Variants in PRSS1 observed in about 807,000 individuals in gnomAD.
The protein encoded by PRSS1 is TCR V beta 4.1.
Under a neutral mutation model 24.2 loss-of-function variants are expected in PRSS1, and 22 were observed. The observed-to-expected ratio is 0.91, with a 90% CI of 0.65 to 1.30. PRSS1 has a LOEUF of 1.30. Ranked by LOEUF, PRSS1 falls within the 50% of genes most tolerant of loss-of-function variation. The pLI, the probability that PRSS1 is intolerant of heterozygous loss-of-function variation, is 0.00. For missense variants in PRSS1, 366 were observed against 304.2 expected (o/e 1.20, Z -1.51); for synonymous variants, 126 against 116.1 (o/e 1.08, Z -0.55).
intron 1 of PRSS1, among the ~76,000 whole-genome samples, chr7:142,749,838 G>C (rs1340142495): frequency 1.3e-5 from 2 of 152,198 alleles, no homozygotes; most frequent in African/African-American, 2.4e-5. Context: ...CAACAGAATA[G>C]CACCACTATA....
rs2116978195 is a variant in PRSS1, at chr7:142,751,942, G to A, written c.369G>A (p.Val123=). Residue 123 remains valine, a synonymous_variant, in exon 3 of 5, where the codon GTG becomes GTA. Transcript: ENST00000311737. ...LSSRAVINAR[V]STISLPTAPP... is the part of the protein sequence containing the mutation. Reference sequence around the variant, plus strand: ...CACGTGCAGTAATCAACGCCCGCGTGTCCACCATCTCTCTGCCCACCGCCC... The same window carrying A: ...CACGTGCAGTAATCAACGCCCGCGTATCCACCATCTCTCTGCCCACCGCCC... 1 of 1,614,018 alleles carries A rather than the reference G, an allele frequency of 6.2e-7. No homozygotes were observed. Among genetic ancestry groups the A allele is most frequent in the African/African-American group, 1.3e-5 (1 of 74,976 alleles).
chr7:142,749,642 T>A (rs1481752463), intron 1 of PRSS1, 118 bp downstream of exon 1: 12 of 1,361,710 alleles, frequency 8.8e-6, no homozygotes, highest in East Asian at 2.3e-5. Flanking sequence ...GTTTCCTCCA[T>A]CTGGCATATC....
intron 1 of PRSS1, among the ~76,000 whole-genome samples, chr7:142,750,233 G>C (rs1404214695): frequency 1.6e-5 from 2 of 127,962 alleles, no homozygotes; most frequent in Non-Finnish European, 3.3e-5. Context: ...ATGAATAAAA[G>C]AGAGAAGCAC....
chr7:142,750,778 C>G (rs749522227), intron 2 of PRSS1, 64 bp downstream of exon 2: 3 of 1,608,792 alleles, frequency 1.9e-6, no homozygotes, highest in Non-Finnish European at 2.6e-6. Context: ...TTGGCTTCAG[C>G]CCAGGGAACT....
intron 4 of PRSS1, 131 bp downstream of exon 4, chr7:142,752,698 A>T: frequency 6.6e-7 from 1 of 1,526,512 alleles, no homozygotes; most frequent in Non-Finnish European, 9.1e-7. Flanking sequence ...GAAGTGAGGA[A>T]GACTCCCTTG....
At position 142,751,824 on chromosome 7, in the gene PRSS1, A is replaced by G; in HGVS notation, c.251A>G (p.Asn84Ser). Residue 84 changes from asparagine to serine, a missense_variant, in exon 3 of 5, where the codon AAT becomes AGT. Physicochemically the swap from Asn to Ser is conservative, Grantham distance 46. Transcript: ENST00000311737. Reference protein sequence around the residue: ...GEHNIEVLEGNEQFINAAKII... With the variant: ...GEHNIEVLEGSEQFINAAKII... ...CACAACATCGAAGTCCTGGAGGGGA[A>G]TGAGCAGTTCATCAATGCAGCCAAG... 1 of 1,614,148 alleles carries G rather than the reference A, an allele frequency of 6.2e-7. No individual in the cohort carries two copies. Among genetic ancestry groups the G allele is most frequent in the South Asian group, 1.1e-5 (1 of 91,068 alleles).
In PRSS1 at chr7:142,752,967, A is replaced by G; in HGVS notation, c.691A>G (p.Lys231Glu). The part of the protein sequence containing the change: ...AQKNKPGVYT[K>E]VYNYVKWIKN... ...GAAGAACAAGCCTGGAGTCTACACC[A>G]AGGTCTACAACTATGTGAAATGGAT... The change falls in exon 5 of 5, where the codon AAG becomes GAG. Residue 231 changes from lysine (K) to glutamate (E), a missense_variant. Physicochemically the swap from Lys to Glu is moderately conservative, Grantham distance 56. Transcript: ENST00000311737. 6.2e-7 allele frequency: 1 copy of G among 1,613,778 alleles called. No individual in the cohort carries two copies.
chr7:142,751,837 CA>C lies in PRSS1; in HGVS notation c.266del (p.Asn89MetfsTer16), dbSNP rs1563261041. On this transcript the variant is annotated frameshift_variant, in exon 3 of 5. Coordinates refer to ENST00000311737, the MANE Select transcript of PRSS1 (RefSeq NM_002769.5). LOFTEE classifies it high-confidence loss of function. The part of the protein sequence containing the change: ...EVLEGNEQFI[N>X]AAKIIRHPQY... ...TCCTGGAGGGGAATGAGCAGTTCATCAATGCAGCCAAGATCATCCGCCACCC... is the reference window on the plus strand; with the variant it reads ...TCCTGGAGGGGAATGAGCAGTTCATCATGCAGCCAAGATCATCCGCCACCC... 6.2e-7 allele frequency: 1 copy of C among 1,614,130 alleles called. No homozygotes were observed. Among genetic ancestry groups the C allele is most frequent in the East Asian group, 2.2e-5 (1 of 44,880 alleles).
chr7:142,751,931 A>G lies in PRSS1; in HGVS notation c.358A>G (p.Asn120Asp). The G allele has an allele frequency of 1.9e-6, 3 of 1,613,976 alleles. No individual in the cohort carries two copies. The highest frequency in any genetic ancestry group is 2.2e-5 in the South Asian group (2 of 91,060). The change falls in exon 3 of 5, where the codon AAC becomes GAC. Residue 120 changes from asparagine to aspartate, a missense_variant. By Grantham distance (23) the Asn-to-Asp change is conservative (BLOSUM62 1). Transcript: ENST00000311737. ...CAAGCTCTCCTCACGTGCAGTAATC[A>G]ACGCCCGCGTGTCCACCATCTCTCT... ...LIKLSSRAVI[N>D]ARVSTISLPT...
At position 142,750,494 on chromosome 7, in the gene PRSS1, C is replaced by G. The variant is rs1300097365; in HGVS notation, c.41-61C>G. 2.5e-5 allele frequency: 40 copies of G among 1,611,018 alleles called. No individual in the cohort carries two copies. In the East Asian group the frequency reaches 8.5e-4, roughly 34 times the overall value. Reference sequence around the variant, plus strand: ...CTAATTAGCAGAAAGCAATCACAGGCTGGGAGCGCCACCCCTAACATGCTA... The same window carrying G: ...CTAATTAGCAGAAAGCAATCACAGGGTGGGAGCGCCACCCCTAACATGCTA... On this transcript the variant is annotated intron_variant, in intron 1 of 4. Coordinates refer to ENST00000311737, the MANE Select transcript of PRSS1 (RefSeq NM_002769.5).
intron 4 of PRSS1, 29 bp from the exon 5 acceptor site, chr7:142,752,839 C>A (rs965612722): frequency 6.2e-7 from 1 of 1,609,094 alleles, no homozygotes; most frequent in African/African-American, 1.3e-5. Flanking sequence ...CTCCATCTCT[C>A]CATACAACTT....
In PRSS1 at chr7:142,749,480, C is replaced by T; in HGVS notation, c.-5C>T. 1 of 1,614,176 alleles carries T rather than the reference C, an allele frequency of 6.2e-7. No individual in the cohort carries two copies. The highest frequency in any genetic ancestry group is 8.5e-7 in the Non-Finnish European group (1 of 1,179,998). On this transcript the variant is annotated 5_prime_UTR_variant, in exon 1 of 5. Coordinates refer to ENST00000311737, the MANE Select transcript of PRSS1 (RefSeq NM_002769.5). ...TCCACCACCAGTCAGGCACACTCTA[C>T]CACCATGAATCCACTCCTGATCCTT...
At chr7:142,751,150 T>C in intron 2 of PRSS1, 1 of 700,272 alleles carries the variant, frequency 1.4e-6, no homozygotes, top group Non-Finnish European at 2.6e-6. Flanking sequence ...CTGTAGAGTG[T>C]ATAGACAGAG....
rs199422123 is a variant in PRSS1 at position 142,751,934 on chromosome 7, G to A, written c.361G>A (p.Ala121Thr). The A allele has an allele frequency of 4.8e-5, 77 of 1,613,858 alleles. No individual in the cohort carries two copies. Among genetic ancestry groups the A allele is most frequent in the Non-Finnish European group, 6.0e-5 (71 of 1,180,006 alleles). ...GCTCTCCTCACGTGCAGTAATCAAC[G>A]CCCGCGTGTCCACCATCTCTCTGCC... The part of the protein sequence containing the change: ...IKLSSRAVIN[A>T]RVSTISLPTA... The change falls in exon 3 of 5, where the codon GCC (alanine) becomes ACC (threonine). Residue 121 changes from alanine (A) to threonine (T), a missense_variant. By Grantham distance (58) the Ala-to-Thr change is moderately conservative. Coordinates refer to ENST00000311737, the MANE Select transcript of PRSS1 (RefSeq NM_002769.5).
chr7:142,749,519 C>G lies in PRSS1; in HGVS notation c.35C>G (p.Ala12Gly), dbSNP rs772363999. 1 of 1,614,144 alleles carries G rather than the reference C, an allele frequency of 6.2e-7. No homozygotes were observed. The highest frequency in any genetic ancestry group is 1.1e-5 in the South Asian group (1 of 91,070). ...NPLLILTFVAAALAAPFDDDD... is the reference protein window; with the variant it reads ...NPLLILTFVAGALAAPFDDDD... ...CTCCTGATCCTTACCTTTGTGGCAG[C>G]TGCTCGTGAGTATCATGCCCTGCCT... Residue 12 changes from alanine to glycine, a missense_variant, in exon 1 of 5, where the codon GCT becomes GGT. Transcript: ENST00000311737.
In PRSS1 at chr7:142,752,759, G is replaced by A. The variant is rs1798860576; in HGVS notation, c.592-109G>A. ...AACAGAGAATGGGCCACCATGAGAA[G>A]GACATGGAGCCACAGAGCTGGCTGG... On this transcript the variant is annotated intron_variant, in intron 4 of 4. Transcript: ENST00000311737. The A allele has an allele frequency of 2.7e-6, 4 of 1,508,616 alleles. 1 individual carries two copies. The allele number at this position is 1,508,616 out of a possible 1,614,324, so 93.5% of individuals were successfully genotyped here. A position where few individuals can be genotyped will look rare whatever the true frequency, so the allele number is the denominator to read the frequency against.
rs992468870 is a variant in PRSS1, at chr7:142,751,657, C to T, written c.201-117C>T. On this transcript the variant is annotated intron_variant, in intron 2 of 4. Transcript: ENST00000311737. ...GCTGCCCATGCGATATGGCCACACA[C>T]CCCACCCCATGCCTCCAGAGCTGTC... 1.1e-5 allele frequency: 18 copies of T among 1,594,304 alleles called. No individual in the cohort carries two copies. The African/African-American group carries it at 1.9e-4, about 17-fold the overall frequency.
intron 1 of PRSS1, 129 bp downstream of exon 1, chr7:142,749,653 T>A (rs1450903147): frequency 1.6e-6 from 2 of 1,250,820 alleles, no homozygotes; most frequent in Non-Finnish European, 2.3e-6. Flanking sequence ...CTGGCATATC[T>A]CCTTCCCATC....
intron 2 of PRSS1, 116 bp from the exon 3 acceptor site, chr7:142,751,658 C>T (rs1226468030): frequency 8.1e-6 from 13 of 1,598,200 alleles, no homozygotes; most frequent in African/African-American, 1.3e-5. Context: ...GGCCACACAC[C>T]CCACCCCATG....
Sources: allele counts gnomAD v4.1 joint callset (sites outside exome capture counted in the v4.1 genomes callset), GRCh38; gene constraint gnomAD v4.1.1; transcripts MANE v1.5; gene names NCBI Gene and HGNC (gene_info 2026-07-23, HGNC 2026-07-21).